The following NLGN1 variants were observed in gnomAD, a reference collection of about 807,000 sequenced individuals.
NLGN1 encodes neuroligin-1.
Under a neutral mutation model 65.5 loss-of-function variants are expected in NLGN1, and 12 were observed. That is an observed-to-expected ratio of 0.18 (90% CI 0.12 to 0.30). The LOEUF is 0.30. NLGN1 is among the 10% of genes least tolerant of loss of function. The pLI is 1.00. For missense variants in NLGN1, 750 were observed against 1,007.1 expected (o/e 0.74, Z 3.46); for synonymous variants, 350 against 359.5 (o/e 0.97, Z 0.30).
intron 2 of NLGN1, among the ~76,000 whole-genome samples, chr3:173,546,119 C>T (rs1023062799): frequency 6.6e-6 from 1 of 151,970 alleles, no homozygotes; most frequent in Admixed American, 6.6e-5. Context: ...TGGTATTGAT[C>T]AAAGATATGA....
intron 4 of NLGN1, among the ~76,000 whole-genome samples, chr3:173,988,110 A>T (rs1720336686): frequency 6.6e-6 from 1 of 152,184 alleles, no homozygotes; most frequent in Admixed American, 6.6e-5. Context: ...AGCTTCATAT[A>T]CAGGAGTACA....
chr3:173,707,316 GC>G, intron 3 of NLGN1, among the ~76,000 whole-genome samples: 1 of 152,220 alleles, frequency 6.6e-6, no homozygotes, highest in East Asian at 1.9e-4. Flanking sequence ...CAGAGAATTT[GC>G]CACTTAATTT....
chr3:173,730,563 T>A (rs918248586), intron 3 of NLGN1, among the ~76,000 whole-genome samples: 1 of 152,082 alleles, frequency 6.6e-6, no homozygotes, highest in African/African-American at 2.4e-5. Flanking sequence ...ACTAACCACA[T>A]TTCAGGTTGC....
intron 4 of NLGN1, among the ~76,000 whole-genome samples, chr3:173,981,344 AT>A (rs1187962960): frequency 6.6e-6 from 1 of 152,138 alleles, no homozygotes; most frequent in Non-Finnish European, 1.5e-5. Flanking sequence ...AATTGATAGT[AT>A]TTGGGTGGTT....
chr3:174,258,097 T>G (rs1746150744), intron 4 of NLGN1, among the ~76,000 whole-genome samples: 1 of 152,170 alleles, frequency 6.6e-6, no homozygotes, highest in Middle Eastern at 3.4e-3. Flanking sequence ...CCCTAACTAC[T>G]AGTTAGAGGT....
intron 4 of NLGN1, among the ~76,000 whole-genome samples, chr3:173,908,203 T>C (rs1273969863): frequency 2.0e-5 from 3 of 152,182 alleles, no homozygotes; most frequent in African/African-American, 7.2e-5. Context: ...CCTAGGCTAG[T>C]TTGATTGCAG....
chr3:174,186,297 A>G (rs1731389033), intron 4 of NLGN1, among the ~76,000 whole-genome samples: 1 of 152,046 alleles, frequency 6.6e-6, no homozygotes, highest in South Asian at 2.1e-4. Flanking sequence ...CATTGCTTTT[A>G]GCTTTAAATT....
intron 2 of NLGN1, among the ~76,000 whole-genome samples, chr3:173,535,056 G>A (rs190875289): frequency 4.6e-5 from 7 of 152,150 alleles, no homozygotes; most frequent in East Asian, 1.9e-4. Context: ...GAGAGTGCCC[G>A]TTTCAAAAAC....
At chr3:174,128,142 A>G (rs1194860762) in intron 4 of NLGN1, among the ~76,000 whole-genome samples, 1 of 152,170 alleles carries the variant, frequency 6.6e-6, no homozygotes, top group Non-Finnish European at 1.5e-5. Context: ...GAGGAATATG[A>G]AATTTTTATT....
chr3:173,947,391 C>T (rs532624727), intron 4 of NLGN1, among the ~76,000 whole-genome samples: 2 of 152,198 alleles, frequency 1.3e-5, no homozygotes, highest in South Asian at 4.1e-4. Flanking sequence ...CTGAACATCT[C>T]CATAGTACTT....
At chr3:173,521,158 T>C (rs909216613) in intron 2 of NLGN1, among the ~76,000 whole-genome samples, 6 of 152,226 alleles carry the variant, frequency 3.9e-5, no homozygotes, top group Admixed American at 1.3e-4. Context: ...ATCTAGTATT[T>C]AATAACCTGC....
At chr3:173,946,193 G>A (rs1333710962) in intron 4 of NLGN1, among the ~76,000 whole-genome samples, 1 of 152,136 alleles carries the variant, frequency 6.6e-6, no homozygotes, top group Non-Finnish European at 1.5e-5. Flanking sequence ...CAGTGTGAAG[G>A]ATGTAATTCA....
At chr3:173,825,792 G>A (rs999382141) in intron 4 of NLGN1, among the ~76,000 whole-genome samples, 26 of 152,000 alleles carry the variant, frequency 1.7e-4, no homozygotes, top group African/African-American at 6.0e-4. Flanking sequence ...TGAAAAATCA[G>A]GCATCTTTTG....
intron 2 of NLGN1, among the ~76,000 whole-genome samples, chr3:173,587,592 TG>T (rs1251167320): frequency 1.3e-5 from 2 of 152,326 alleles, no homozygotes; most frequent in Admixed American, 6.5e-5. Flanking sequence ...TACATGTTTT[TG>T]GTCCTAATTA....
intron 4 of NLGN1, among the ~76,000 whole-genome samples, chr3:174,165,849 C>T (rs1727385395): frequency 6.6e-6 from 1 of 151,878 alleles, no homozygotes; most frequent in South Asian, 2.1e-4. Flanking sequence ...TCTTAGTTGG[C>T]AGGTTTTTAT....
chr3:173,678,962 A>G (rs1259249524), intron 3 of NLGN1, among the ~76,000 whole-genome samples: 3 of 152,018 alleles, frequency 2.0e-5, no homozygotes, highest in African/African-American at 7.2e-5. Context: ...CCATTAAGTG[A>G]GAGAAAAAGT....
the NLGN1 span, among the ~76,000 whole-genome samples, chr3:174,293,474 T>C: frequency 2.0e-5 from 3 of 151,510 alleles, no homozygotes; most frequent in East Asian, 3.9e-4. Flanking sequence ...AAAAAACACC[T>C]GTGAAAGCAT....
At chr3:173,411,581 AT>A (rs1189337041) in intron 1 of NLGN1, among the ~76,000 whole-genome samples, 1 of 151,926 alleles carries the variant, frequency 6.6e-6, no homozygotes, top group Non-Finnish European at 1.5e-5. Flanking sequence ...AGAATGGGGG[AT>A]TTTGGCTGGG....
chr3:174,211,224 A>G (rs889479326), intron 4 of NLGN1, among the ~76,000 whole-genome samples: 12 of 152,198 alleles, frequency 7.9e-5, no homozygotes, highest in Non-Finnish European at 1.3e-4. Context: ...AGGGGACCCC[A>G]GCGGGTTGCC....
Sources: gnomAD v4.1 joint callset for allele counts (sites outside exome capture counted in the v4.1 genomes callset) on GRCh38, gnomAD v4.1.1 for gene constraint, MANE v1.5 for transcripts, NCBI Gene and HGNC (gene_info 2026-07-23, HGNC 2026-07-21) for gene names.